Variants in VWA5B1 observed in about 807,000 individuals in gnomAD.
The protein encoded by VWA5B1 is von Willebrand factor A domain-containing protein 5B1.
In VWA5B1, 115 loss-of-function variants were observed where a neutral mutation model predicts 118.2. The ratio of observed to expected loss-of-function variants is 0.97; its 90% CI spans 0.84 to 1.14. The LOEUF is 1.14. VWA5B1 is among the 50% of genes most tolerant of loss of function. VWA5B1 has a pLI of 0.00. For missense variants in VWA5B1, 1,596 were observed against 1,603.8 expected (o/e 1.00, Z 0.08); for synonymous variants, 682 against 658.4 (o/e 1.04, Z -0.55).
chr1:20,305,986 A>G (rs2088640998), intron 1 of VWA5B1, among the ~76,000 whole-genome samples: 1 of 152,126 alleles, frequency 6.6e-6, no homozygotes. Context: ...CCTTTCTATG[A>G]GGGCAAGCAC....
intron 12 of VWA5B1, among the ~76,000 whole-genome samples, chr1:20,334,150 G>A (rs2089649391): frequency 6.6e-6 from 1 of 152,166 alleles, no homozygotes; most frequent in African/African-American, 2.4e-5. Flanking sequence ...AGGAGAAATT[G>A]GAACTTTATG....
chr1:20,310,797 T>C, intron 2 of VWA5B1, 57 bp downstream of exon 2: 1 of 1,461,708 alleles, frequency 6.8e-7, no homozygotes, highest in Non-Finnish European at 9.0e-7. Context: ...AGTGAATCCC[T>C]GTTTTGACAT....
chr1:20,294,293 T>C (rs1294735937), intron 1 of VWA5B1: 4 of 152,218 alleles, frequency 2.6e-5, no homozygotes, highest in Admixed American at 1.3e-4. Context: ...GAGGAATTTT[T>C]GTCTTCGGCG....
intron 1 of VWA5B1, among the ~76,000 whole-genome samples, chr1:20,300,142 T>C (rs1389041232): frequency 6.6e-6 from 1 of 152,206 alleles, no homozygotes; most frequent in African/African-American, 2.4e-5. Context: ...CTTGGTTTCC[T>C]CTGCTGCAAA....
chr1:20,307,534 A>T lies in VWA5B1; in HGVS notation c.-26-3042A>T, dbSNP rs1168128323. On this transcript the variant is annotated intron_variant, in intron 1 of 21. Coordinates refer to ENST00000289815, the MANE Select transcript of VWA5B1 (RefSeq NM_001039500.3). ...TAATACCTTAGAAGGTTTTATGAGG[A>T]TTAAATGAGATAATATATGTGCCTG... Among the ~76,000 whole-genome samples, 7 of 152,254 alleles carry T rather than the reference A, an allele frequency of 4.6e-5. 1 individual carries two copies. Among genetic ancestry groups the T allele is most frequent in the African/African-American group, 1.7e-4 (7 of 41,468 alleles).
chr1:20,311,147 A>AT (rs2088837137), intron 2 of VWA5B1, among the ~76,000 whole-genome samples: 1 of 152,052 alleles, frequency 6.6e-6, no homozygotes, highest in South Asian at 2.1e-4. Flanking sequence ...TAATTTTTGC[A>AT]TTTTTTGTAG....
chr1:20,326,848 G>A (rs1383181430), intron 8 of VWA5B1, among the ~76,000 whole-genome samples: 4 of 152,068 alleles, frequency 2.6e-5, no homozygotes, highest in Non-Finnish European at 4.4e-5. Context: ...CTGTAAAGCA[G>A]GGTTATTAAT....
At chr1:20,312,784 G>A (rs1196409102) in intron 2 of VWA5B1, 52 bp from the exon 3 acceptor site, 1 of 1,500,890 alleles carries the variant, frequency 6.7e-7, no homozygotes, top group African/African-American at 1.4e-5. Flanking sequence ...CAGGCAAGGG[G>A]TGTGCAGGGT....
At chr1:20,310,862 C>T (rs775239352) in intron 2 of VWA5B1, 122 bp downstream of exon 2, 2 of 1,327,976 alleles carry the variant, frequency 1.5e-6, no homozygotes, top group Non-Finnish European at 2.0e-6. Flanking sequence ...TCTGTTTCCT[C>T]ATCTATAAAA....
intron 2 of VWA5B1, among the ~76,000 whole-genome samples, chr1:20,311,897 G>A (rs970464550): frequency 1.3e-5 from 2 of 152,146 alleles, no homozygotes; most frequent in Admixed American, 6.5e-5. Context: ...TAGAGAGGGC[G>A]ACTTAAATGA....
At chr1:20,336,895 C>G (rs1307050979) in intron 13 of VWA5B1, among the ~76,000 whole-genome samples, 3 of 152,064 alleles carry the variant, frequency 2.0e-5, no homozygotes, top group Non-Finnish European at 2.9e-5. Flanking sequence ...TGACAGGGTG[C>G]CAGGGACCCC....
chr1:20,318,985 G>A (rs2089120265), intron 6 of VWA5B1, among the ~76,000 whole-genome samples: 1 of 152,200 alleles, frequency 6.6e-6, no homozygotes, highest in African/African-American at 2.4e-5. Context: ...TTACCCCCAG[G>A]CCAGCTGAAC....
Position 20,348,181 on chromosome 1 carries a change from G to T in VWA5B1, c.2765-64G>T, listed in dbSNP as rs998511917. 8 of 1,427,882 alleles carry T rather than the reference G, an allele frequency of 5.6e-6. No individual in the cohort carries two copies. The African/African-American group carries it at 1.1e-4, about 20-fold the overall frequency. 88.5% of individuals were successfully genotyped at this position (1,427,882 alleles called of 1,614,324 possible). A position where few individuals can be genotyped will look rare whatever the true frequency, so the allele number is the denominator to read the frequency against. On this transcript the variant is annotated intron_variant, in intron 17 of 21. Transcript: ENST00000289815. ...GCCAGAATCATTCCTGTCAGCTCTG[G>T]GGGAAAGGCAAAGGACTGGCACATT...
chr1:20,292,804 A>G (rs989869969), intron 1 of VWA5B1, among the ~76,000 whole-genome samples: 1 of 152,168 alleles, frequency 6.6e-6, no homozygotes, highest in African/African-American at 2.4e-5. Flanking sequence ...GTTGTCTCCA[A>G]TCCAGCCCCA....
At chr1:20,303,576 G>A (rs1055284431) in intron 1 of VWA5B1, among the ~76,000 whole-genome samples, 1 of 152,172 alleles carries the variant, frequency 6.6e-6, no homozygotes, top group African/African-American at 2.4e-5. Flanking sequence ...TACGCAAAAT[G>A]TGAGTGGCAG....
Position 20,331,003 on chromosome 1 carries a change from C to CA in VWA5B1, c.1572+21dup. ...CCCAAGGTAGGCAGCAGAACCCACG[C>CA]AGTCCCTTCTGGTGCTGGAACCTCA... On this transcript the variant is annotated intron_variant, in intron 11 of 21. Transcript: ENST00000289815. The CA allele has an allele frequency of 6.5e-7, 1 of 1,527,690 alleles. No homozygotes were observed. The highest frequency in any genetic ancestry group is 8.8e-7 in the Non-Finnish European group (1 of 1,134,948). The allele number at this position is 1,527,690 out of a possible 1,614,324, so 94.6% of individuals were successfully genotyped here.
At chr1:20,297,586 T>C (rs911814093) in intron 1 of VWA5B1, among the ~76,000 whole-genome samples, 7 of 152,230 alleles carry the variant, frequency 4.6e-5, no homozygotes, top group African/African-American at 1.7e-4. Flanking sequence ...ATCATAGCCT[T>C]GATCAGAATA....
At chr1:20,292,204 C>CT (rs397938596) in intron 1 of VWA5B1, among the ~76,000 whole-genome samples, 5,254 of 142,982 alleles carry the variant, frequency 0.037, 132 homozygotes, top group African/African-American at 0.069. Context: ...CTCCTTCCTT[C>CT]TTTTTTTTTT....
chr1:20,354,657 A>G lies in VWA5B1; in HGVS notation c.*394A>G, dbSNP rs1348540156. On this transcript the variant is annotated 3_prime_UTR_variant, in exon 22 of 22. Coordinates refer to ENST00000289815, the MANE Select transcript of VWA5B1 (RefSeq NM_001039500.3). ...CTGGAGGTAGACCACGTGGGCACGG[A>G]GTGGACACAGCAATGCCCACTCAAA... is the stretch of plus-strand genomic sequence containing the variant. The G allele has an allele frequency of 4.2e-6, 1 of 239,496 alleles. No individual in the cohort carries two copies. Among genetic ancestry groups the G allele is most frequent in the African/African-American group, 2.3e-5 (1 of 43,640 alleles). 14.8% of individuals were successfully genotyped at this position (239,496 alleles called of 1,614,324 possible). A position where few individuals can be genotyped will look rare whatever the true frequency, so the allele number is the denominator to read the frequency against.
Sources: allele counts gnomAD v4.1 joint callset (sites outside exome capture counted in the v4.1 genomes callset), GRCh38; gene constraint gnomAD v4.1.1; transcripts MANE v1.5; gene names NCBI Gene and HGNC (gene_info 2026-07-23, HGNC 2026-07-21).